Variants in SCAF8 observed in about 807,000 individuals in gnomAD.
The protein encoded by SCAF8 is SR-related and CTD-associated factor 8.
Under a neutral mutation model 140.5 loss-of-function variants are expected in SCAF8, and 23 were observed. The observed-to-expected ratio is 0.16, with a 90% CI of 0.12 to 0.23. The LOEUF (loss-of-function observed/expected upper bound fraction) is 0.23, where lower values mean the gene tolerates loss of function less well. Ranked by LOEUF, SCAF8 falls within the 10% of genes least tolerant of loss-of-function variation. The pLI, the probability that SCAF8 is intolerant of heterozygous loss-of-function variation, is 1.00. For synonymous variants in SCAF8, 575 were observed against 528.9 expected (o/e 1.09, Z -1.20); for missense variants, 1,397 against 1,555.7 (o/e 0.90, Z 1.72).
At chr6:154,750,308 A>T (rs1316023677) in intron 1 of SCAF8, among the ~76,000 whole-genome samples, 1 of 152,188 alleles carries the variant, frequency 6.6e-6, no homozygotes, top group Non-Finnish European at 1.5e-5. Context: ...ACCTAACTAA[A>T]TATATGGGTT....
intron 4 of SCAF8, among the ~76,000 whole-genome samples, chr6:154,792,358 GAA>G (rs1291754762): frequency 9.2e-5 from 14 of 152,204 alleles, no homozygotes; most frequent in Non-Finnish European, 1.3e-4. Flanking sequence ...ATTGTAAAAT[GAA>G]AGTTTTAAAA....
At chr6:154,757,155 C>T (rs1778987194) in intron 1 of SCAF8, among the ~76,000 whole-genome samples, 1 of 152,156 alleles carries the variant, frequency 6.6e-6, no homozygotes, top group African/African-American at 2.4e-5. Flanking sequence ...CGCCACTACG[C>T]CCAGCTAATT....
At chr6:154,819,962 C>T (rs969059164) in intron 14 of SCAF8, among the ~76,000 whole-genome samples, 1 of 152,170 alleles carries the variant, frequency 6.6e-6, no homozygotes, top group Non-Finnish European at 1.5e-5. Context: ...GCACTCCAGC[C>T]TGGGTGACTG....
rs550174566 is a variant in SCAF8, at chr6:154,805,740, T to C, written c.981+254T>C. Among the ~76,000 whole-genome samples the C allele has an allele frequency of 7.9e-5, 12 of 152,216 alleles. 1 individual carries two copies. The East Asian group carries it at 1.2e-3, about 15-fold the overall frequency. ...AATCAAATTGTGTTCTGGTAACTTATGAATGCACATTGTAGAAATTAATTT... is the reference window on the plus strand; with the variant it reads ...AATCAAATTGTGTTCTGGTAACTTACGAATGCACATTGTAGAAATTAATTT... On this transcript the variant is annotated intron_variant, in intron 9 of 19. Coordinates refer to ENST00000367178, the MANE Select transcript of SCAF8 (RefSeq NM_014892.5).
intron 3 of SCAF8, among the ~76,000 whole-genome samples, chr6:154,784,159 T>TATATA (rs1777182455): frequency 1.3e-4 from 12 of 95,558 alleles, no homozygotes; most frequent in Non-Finnish European, 1.5e-4. Flanking sequence ...ATATATATAT[T>TATATA]TATTTATTTA....
intron 1 of SCAF8, among the ~76,000 whole-genome samples, chr6:154,757,145 C>T (rs1037343455): frequency 3.9e-5 from 6 of 152,106 alleles, no homozygotes; most frequent in South Asian, 4.1e-4. Flanking sequence ...TACAGGTGCA[C>T]GCCACTACGC....
intron 6 of SCAF8, among the ~76,000 whole-genome samples, 178 bp downstream of exon 6, chr6:154,795,317 T>G (rs1777569308): frequency 6.6e-6 from 1 of 152,242 alleles, no homozygotes; most frequent in South Asian, 2.1e-4. Flanking sequence ...AATGCTTTCA[T>G]GTCATTAAAA....
At chr6:154,747,003 A>G (rs942027936) in intron 1 of SCAF8, among the ~76,000 whole-genome samples, 1 of 152,230 alleles carries the variant, frequency 6.6e-6, no homozygotes, top group Non-Finnish European at 1.5e-5. Flanking sequence ...ATAACATTCT[A>G]AAATTCAGGG....
intron 1 of SCAF8, among the ~76,000 whole-genome samples, chr6:154,757,143 C>G (rs559148097): frequency 8.5e-5 from 13 of 152,258 alleles, no homozygotes; most frequent in Admixed American, 8.5e-4. Flanking sequence ...ACTACAGGTG[C>G]ACGCCACTAC....
intron 1 of SCAF8, among the ~76,000 whole-genome samples, chr6:154,745,076 T>C (rs567698266): frequency 6.6e-6 from 1 of 152,348 alleles, no homozygotes; most frequent in South Asian, 2.1e-4. Flanking sequence ...ATACCAATAA[T>C]GTCCTTACTA....
In SCAF8 at chr6:154,797,087, G is replaced by A. The variant is rs552118522; in HGVS notation, c.606+1948G>A. Among the ~76,000 whole-genome samples the A allele has an allele frequency of 2.6e-4, 40 of 151,614 alleles. 6 individuals carry two copies. The South Asian group carries it at 7.7e-3, about 29-fold the overall frequency. ...TTTTTGGTTATTTGTATTCACTTAC[G>A]CTACCTTTCCTGAATAAATTTTATA... On this transcript the variant is annotated intron_variant, in intron 6 of 19. Transcript: ENST00000367178.
chr6:154,764,020 T>G (rs1241589703), intron 1 of SCAF8, among the ~76,000 whole-genome samples: 2 of 152,184 alleles, frequency 1.3e-5, no homozygotes, highest in East Asian at 1.9e-4. Flanking sequence ...TGATTAGAGA[T>G]AAGTTTTGTG....
intron 1 of SCAF8, among the ~76,000 whole-genome samples, chr6:154,754,742 C>T (rs2114813504): frequency 6.6e-6 from 1 of 152,230 alleles, no homozygotes; most frequent in East Asian, 1.9e-4. Context: ...CTTGTAGGCT[C>T]TTCTTCTACT....
chr6:154,762,397 G>T (rs531414506), intron 1 of SCAF8, among the ~76,000 whole-genome samples: 151 of 152,184 alleles, frequency 9.9e-4, no homozygotes, highest in African/African-American at 3.2e-3. Context: ...TTGTTTACTG[G>T]CTGTGGGCTG....
In SCAF8 at chr6:154,733,810, G is replaced by A. The variant is rs540708743; in HGVS notation, c.-91G>A. On this transcript the variant is annotated 5_prime_UTR_variant, in exon 1 of 20. Coordinates refer to ENST00000367178, the MANE Select transcript of SCAF8 (RefSeq NM_014892.5). The stretch of plus-strand genomic sequence containing the variant: ...CTCCCGCCAGCGCCCCCTCCTCGCG[G>A]CCACGCAGCAGCCCGCGTCTCGCTC... 2.3e-5 allele frequency: 34 copies of A among 1,453,204 alleles called. No individual in the cohort carries two copies. The East Asian group carries it at 7.3e-4, about 31-fold the overall frequency. The allele number at this position is 1,453,204 out of a possible 1,614,324, so 90.0% of individuals were successfully genotyped here.
At chr6:154,796,353 T>TTCCGTC (rs772760237) in intron 6 of SCAF8, among the ~76,000 whole-genome samples, 6 of 75,198 alleles carry the variant, frequency 8.0e-5, no homozygotes, top group African/African-American at 4.8e-4. Flanking sequence ...TGCAATCCTG[T>TTCCGTC]TCTCTCTCTC....
At chr6:154,757,193 C>A (rs1443325068) in intron 1 of SCAF8, among the ~76,000 whole-genome samples, 1 of 152,136 alleles carries the variant, frequency 6.6e-6, no homozygotes, top group African/African-American at 2.4e-5. Flanking sequence ...TGGGGTTTTG[C>A]CATGTTTGCC....
Position 154,810,095 on chromosome 6 carries a change from G to A in SCAF8, c.1307G>A (p.Arg436Lys). The change falls in exon 12 of 20, where the codon AGA (arginine) becomes AAA (lysine). Residue 436 changes from arginine to lysine, a missense_variant. Arg to Lys is a conservative substitution (Grantham distance 26, BLOSUM62 2). This residue lies in a region of SCAF8 where 339 missense variants were observed against 407.5 expected (regional missense o/e 0.83). Transcript: ENST00000367178. The part of the protein sequence containing the change: ...KHRKRSRSRS[R>K]ERKRKSSRSY... The stretch of plus-strand genomic sequence containing the variant: ...AGAAAGCGATCACGCTCCCGCTCAA[G>A]AGAAAGAAAGAGGAAATCATCACGG... 6.2e-7 allele frequency: 1 copy of A among 1,613,916 alleles called. No individual in the cohort carries two copies. The highest frequency in any genetic ancestry group is 8.5e-7 in the Non-Finnish European group (1 of 1,179,908).
At chr6:154,748,594 T>TATCAAGAA (rs1162165099) in intron 1 of SCAF8, among the ~76,000 whole-genome samples, 2 of 152,216 alleles carry the variant, frequency 1.3e-5, no homozygotes, top group African/African-American at 4.8e-5. Context: ...AGATTATTAA[T>TATCAAGAA]ATATTTGGCT....
Sources: gnomAD v4.1 joint callset for allele counts (sites outside exome capture counted in the v4.1 genomes callset) on GRCh38, gnomAD v4.1.1 for gene constraint, gnomAD v4.1.1 regional missense constraint, MANE v1.5 for transcripts, NCBI Gene and HGNC (gene_info 2026-07-23, HGNC 2026-07-21) for gene names.